MORN1: variants seen among roughly 807,000 people sequenced by gnomAD.
The protein encoded by MORN1 is MORN repeat-containing protein 1.
A neutral mutation model predicts 61.9 loss-of-function variants in MORN1; 67 were observed. That is an observed-to-expected ratio of 1.08 (90% CI 0.89 to 1.33). The LOEUF (loss-of-function observed/expected upper bound fraction) is 1.33. MORN1 is among the 40% of genes most tolerant of loss of function. The pLI is 0.00. For synonymous variants in MORN1, 301 were observed against 292.0 expected, an observed-to-expected ratio of 1.03 and a Z score of -0.31; for missense variants, 752 against 691.2, an observed-to-expected ratio of 1.09 and a Z score of -0.99.
chr1:2,347,965 T>C (rs1641551674), intron 10 of MORN1, among the ~76,000 whole-genome samples: 1 of 152,330 alleles, frequency 6.6e-6, no homozygotes, highest in South Asian at 2.1e-4. Context: ...CGGGAAGTTT[T>C]TCGCCTCACG....
rs547466586 is a variant in MORN1 at position 2,327,858 on chromosome 1, A to G, written c.1251-3715T>C. Among the ~76,000 whole-genome samples the G allele has an allele frequency of 5.9e-5, 9 of 152,336 alleles. 1 individual carries two copies. The South Asian group carries it at 1.4e-3, about 25-fold the overall frequency. On this transcript the variant is annotated intron_variant, in intron 12 of 13. Coordinates refer to ENST00000378531, the MANE Select transcript of MORN1 (RefSeq NM_024848.3). Reference sequence around the variant, plus strand: ...CCTGACGGGTGAGGGCCGCTTTCCCAAGGCCCCGCATCGCGCCTCGGCGTC... The same window carrying G: ...CCTGACGGGTGAGGGCCGCTTTCCCGAGGCCCCGCATCGCGCCTCGGCGTC...
At chr1:2,359,017 C>T (rs7526947) in intron 8 of MORN1, among the ~76,000 whole-genome samples, 9,127 of 152,218 alleles carry the variant, frequency 0.06, 889 homozygotes, top group African/African-American at 0.2. Flanking sequence ...AGCTCTAGGC[C>T]TCGGGGACCC....
rs1641308759 is a variant in MORN1 at position 2,337,635 on chromosome 1, C to T, written c.1037-785G>A. On this transcript the variant is annotated intron_variant, in intron 10 of 13. Transcript: ENST00000378531. The surrounding 1 kb of genome is among the most constrained non-coding windows in gnomAD (Gnocchi z 5.7). ...GAGCCTGAAGGAGATAACTTCAGTG[C>T]AGCCCCTCCACACACACACATCAGA... is the stretch of plus-strand genomic sequence containing the variant. Among the ~76,000 whole-genome samples the T allele has an allele frequency of 6.6e-6, 1 of 152,322 alleles. No homozygotes were observed. Among genetic ancestry groups the T allele is most frequent in the South Asian group, 2.1e-4 (1 of 4,824 alleles).
chr1:2,382,522 A>G (rs1329139456), intron 6 of MORN1, among the ~76,000 whole-genome samples: 1 of 152,132 alleles, frequency 6.6e-6, no homozygotes, highest in East Asian at 1.9e-4. Context: ...AAGGCGAGGG[A>G]ATCGTCATGG....
rs1553212652 is a variant in MORN1, at chr1:2,348,720, G to GGCACGCACAC, written c.1036+8702_1036+8711dup. On this transcript the variant is annotated intron_variant, in intron 10 of 13. Coordinates refer to ENST00000378531, the MANE Select transcript of MORN1 (RefSeq NM_024848.3). ...ACGCACGCACACGCACACCTGCGCG[G>GGCACGCACAC]GCACGCACACGCACACCTGCGCGGG... 5.6e-5 allele frequency among the ~76,000 whole-genome samples: 7 copies of GGCACGCACAC among 124,230 alleles called. No homozygotes were observed. The South Asian group carries it at 7.7e-4, about 14-fold the overall frequency. The allele number at this position is 124,230 out of a possible 152,430, so 81.5% of individuals were successfully genotyped here. A position where few individuals can be genotyped will look rare whatever the true frequency, so the allele number is the denominator to read the frequency against.
intron 10 of MORN1, chr1:2,355,545 C>G: frequency 6.7e-7 from 1 of 1,493,270 alleles, no homozygotes; most frequent in Admixed American, 2.0e-5. Context: ...GGCAGGGGCA[C>G]GGGCATGGAG....
chr1:2,331,116 G>C (rs115421586), intron 12 of MORN1, among the ~76,000 whole-genome samples: 13 of 152,156 alleles, frequency 8.5e-5, no homozygotes, highest in Admixed American at 6.5e-5. Flanking sequence ...ACTACAGGGA[G>C]GGCCATCCCG....
intron 10 of MORN1, among the ~76,000 whole-genome samples, chr1:2,347,773 C>T (rs943303265): frequency 4.6e-5 from 7 of 152,292 alleles, no homozygotes; most frequent in South Asian, 2.1e-4. Context: ...CCGCTGCCCC[C>T]GTCACCCCCC....
At chr1:2,323,341 G>C (rs749825524) in intron 13 of MORN1, 2 of 985,318 alleles carry the variant, frequency 2.0e-6, no homozygotes, top group Non-Finnish European at 2.4e-6. Flanking sequence ...ACCCCAGTGA[G>C]CAGCGGGTCC....
chr1:2,330,914 T>C (rs902295063), intron 12 of MORN1, among the ~76,000 whole-genome samples: 3 of 152,234 alleles, frequency 2.0e-5, no homozygotes, highest in African/African-American at 7.2e-5. Flanking sequence ...ACCGAGTCCT[T>C]CTTCTGCAGC....
chr1:2,350,988 T>A (rs1345045454), intron 10 of MORN1: 1 of 152,404 alleles, frequency 6.6e-6, no homozygotes, highest in East Asian at 1.9e-4. Context: ...CCAAAGGGTG[T>A]GAAGTCTGGA....
rs1034362156 is a variant in MORN1, at chr1:2,372,719, T to C, written c.635-128A>G. 1 of 662,938 alleles carries C rather than the reference T, an allele frequency of 1.5e-6. No homozygotes were observed. The highest frequency in any genetic ancestry group is 2.6e-6 in the Non-Finnish European group (1 of 385,598). 41.1% of individuals were successfully genotyped at this position (662,938 alleles called of 1,614,324 possible). ...GTGTGGCAGCTGGAACACAAGCACA[T>C]GCGGGGGCCGACCCTCCGCAAACCA... On this transcript the variant is annotated intron_variant, in intron 7 of 13. Coordinates refer to ENST00000378531, the MANE Select transcript of MORN1 (RefSeq NM_024848.3). This position sits in a 1 kb window ranked among gnomAD's most constrained non-coding sequence, Gnocchi z 5.4.
In MORN1 at chr1:2,389,939, G is replaced by A; in HGVS notation, c.134C>T (p.Ala45Val). The A allele has an allele frequency of 1.9e-6, 3 of 1,614,054 alleles. No homozygotes were observed. In the South Asian group the frequency reaches 3.3e-5, roughly 18 times the overall value. Residue 45 changes from alanine to valine, a missense_variant, in exon 2 of 14, where the codon GCA (alanine) becomes GTA (valine). By Grantham distance (64) the Ala-to-Val change is moderately conservative. Coordinates refer to ENST00000378531, the MANE Select transcript of MORN1 (RefSeq NM_024848.3). The part of the protein sequence containing the change: ...SFFRYEGEWK[A>V]GRKHGHGKLL... ...ATGCTTCTCACCGTGCTTCCTCCCT[G>A]CTTTCCATTCTCCTTCATATCGAAA...
chr1:2,348,748 C>T lies in MORN1; in HGVS notation c.1036+8684G>A, dbSNP rs374015271. On this transcript the variant is annotated intron_variant, in intron 10 of 13. Transcript: ENST00000378531. ...ACGCACACGCACACCTGCGCGGGCACGCACACACACGCACACCTGCGCAGG... is the reference window on the plus strand; with the variant it reads ...ACGCACACGCACACCTGCGCGGGCATGCACACACACGCACACCTGCGCAGG... Among the ~76,000 whole-genome samples the T allele has an allele frequency of 4.8e-5, 7 of 144,638 alleles. No homozygotes were observed. The East Asian group carries it at 1.0e-3, about 21-fold the overall frequency. 94.9% of individuals were successfully genotyped at this position (144,638 alleles called of 152,430 possible).
chr1:2,327,557 C>T (rs1475573782), intron 12 of MORN1, among the ~76,000 whole-genome samples: 2 of 152,330 alleles, frequency 1.3e-5, no homozygotes, highest in East Asian at 1.9e-4. Flanking sequence ...CACAGAAACA[C>T]TGAAACACAG....
Position 2,336,755 on chromosome 1 carries a change from C to G in MORN1, c.1132G>C (p.Gly378Arg). The change falls in exon 11 of 14, where the codon GGG (glycine) becomes CGG (arginine). Residue 378 changes from glycine (G) to arginine (R), a missense_variant. Gly to Arg is a moderately radical substitution (Grantham distance 125). Transcript: ENST00000378531. ...TCCAGGAACAGGAAGGGGTGGTACCCAGGCGGGGGCGGCCCCAGGAGGACA... is the reference window on the plus strand; with the variant it reads ...TCCAGGAACAGGAAGGGGTGGTACCGAGGCGGGGGCGGCCCCAGGAGGACA... ...TDVLLGPPPPGYHPFLFLDSL... is the reference protein window; with the variant it reads ...TDVLLGPPPPRYHPFLFLDSL... 6.3e-7 allele frequency: 1 copy of G among 1,599,570 alleles called. No homozygotes were observed. Among genetic ancestry groups the G allele is most frequent in the East Asian group, 2.2e-5 (1 of 44,748 alleles).
At chr1:2,329,184 C>G (rs1410217601) in intron 12 of MORN1, among the ~76,000 whole-genome samples, 1 of 152,194 alleles carries the variant, frequency 6.6e-6, no homozygotes, top group Non-Finnish European at 1.5e-5. Flanking sequence ...CCGCCCTGCC[C>G]CAGCCCCTCC....
chr1:2,380,023 GGGT>G (rs965896251), intron 6 of MORN1, among the ~76,000 whole-genome samples: 6 of 152,314 alleles, frequency 3.9e-5, no homozygotes, highest in African/African-American at 1.2e-4. Context: ...TGTCCACACG[GGGT>G]GGTGGTGGTG....
intron 12 of MORN1, chr1:2,332,011 C>CCCGCCGCTGCGCCTCTG (rs1187201966): frequency 1.1e-5 from 2 of 174,630 alleles, no homozygotes; most frequent in African/African-American, 4.8e-5. Context: ...CTGCGCCTCT[C>CCCGCCGCTGCGCCTCTG]CCGCCGCTGC....
Sources: allele counts gnomAD v4.1 joint callset (sites outside exome capture counted in the v4.1 genomes callset), GRCh38; gene constraint gnomAD v4.1.1; non-coding constraint Gnocchi (gnomAD v3.1); transcripts MANE v1.5; gene names NCBI Gene and HGNC (gene_info 2026-07-23, HGNC 2026-07-21).